The following SUPT16H variants were observed in gnomAD, a reference collection of about 807,000 sequenced individuals.
SUPT16H encodes the protein SPT16 homolog, facilitates chromatin remodeling subunit.
A neutral mutation model predicts 136.2 loss-of-function variants in SUPT16H; 24 were observed. The observed-to-expected ratio is 0.18, with a 90% CI of 0.13 to 0.25. The LOEUF (loss-of-function observed/expected upper bound fraction) is 0.25, where lower values mean the gene tolerates loss of function less well. SUPT16H is among the 10% of genes least tolerant of loss of function. The probability of loss-of-function intolerance (pLI) is 1.00; values close to 1 mark genes in which losing one functional copy is unlikely to be tolerated. For synonymous variants in SUPT16H, 415 were observed against 428.2 expected (o/e 0.97, Z 0.38); for missense variants, 623 against 1,270.2 (o/e 0.49, Z 7.74).
intron 1 of SUPT16H, chr14:21,382,957 AT>A: frequency 6.6e-6 from 1 of 152,298 alleles, no homozygotes; most frequent in South Asian, 2.1e-4. Context: ...ATGAGAGCTG[AT>A]CATTTTTCTC....
At chr14:21,366,274 A>G (rs1479842314) in intron 8 of SUPT16H, among the ~76,000 whole-genome samples, 165 bp downstream of exon 8, 1 of 152,228 alleles carries the variant, frequency 6.6e-6, no homozygotes, top group Non-Finnish European at 1.5e-5. Context: ...GGAGAACTTA[A>G]ATCTGTCTCA....
At position 21,358,396 on chromosome 14, in the gene SUPT16H, G is replaced by A. The variant is rs1886480068; in HGVS notation, c.2333C>T (p.Thr778Ile). Reference sequence around the variant, plus strand: ...TTTCTCAATGAAATTTTTAAAGGCTGTTTTCAGTTTGTGCCTCATTTCTCG... The same window carrying A: ...TTTCTCAATGAAATTTTTAAAGGCTATTTTCAGTTTGTGCCTCATTTCTCG... ...MEREMRHKLK[T>I]AFKNFIEKVE... The change falls in exon 20 of 26, where the codon ACA (threonine) becomes ATA (isoleucine). Residue 778 changes from threonine (T) to isoleucine (I), a missense_variant. By Grantham distance (89) the Thr-to-Ile change is moderately conservative (BLOSUM62 -1). Around this residue, in one of 7 missense-constraint regions of SUPT16H, gnomAD observed 74 missense variants for 193.8 expected, o/e 0.38. Coordinates refer to ENST00000216297, the MANE Select transcript of SUPT16H (RefSeq NM_007192.4). The A allele has an allele frequency of 6.8e-6, 11 of 1,613,466 alleles. No individual in the cohort carries two copies. Among genetic ancestry groups the A allele is most frequent in the Non-Finnish European group, 1.7e-6 (2 of 1,179,894 alleles).
chr14:21,375,577 A>G (rs1365692564), intron 1 of SUPT16H, among the ~76,000 whole-genome samples: 4 of 152,024 alleles, frequency 2.6e-5, no homozygotes, highest in Non-Finnish European at 5.9e-5. Flanking sequence ...CTAATTTTGA[A>G]GTGGTACAAT....
At chr14:21,359,728 C>A in intron 18 of SUPT16H, 119 bp from the exon 19 acceptor site, 2 of 1,156,088 alleles carry the variant, frequency 1.7e-6, no homozygotes, top group Non-Finnish European at 2.4e-6. Context: ...TTAAACCACC[C>A]CTGGTGTCAT....
At chr14:21,360,307 C>T (rs1886524176) in intron 18 of SUPT16H, 108 bp downstream of exon 18, 1 of 847,394 alleles carries the variant, frequency 1.2e-6, no homozygotes, top group Admixed American at 2.6e-5. Context: ...GGATTGTGGG[C>T]ATGAGCCACC....
intron 2 of SUPT16H, among the ~76,000 whole-genome samples, chr14:21,373,039 G>A (rs1287083450): frequency 2.0e-5 from 3 of 152,046 alleles, no homozygotes; most frequent in African/African-American, 4.8e-5. Flanking sequence ...TACCTCCTGG[G>A]GTCATGCCAT....
intron 2 of SUPT16H, chr14:21,372,589 C>T (rs768257531): frequency 7.5e-6 from 3 of 398,946 alleles, no homozygotes; most frequent in South Asian, 3.6e-5. Context: ...GTTTTCTTCT[C>T]TGTCTCTTTT....
rs1202018056 is a variant in SUPT16H, at chr14:21,365,157, G to C, written c.1047-14C>G. ...CCCATCCCAAACCTGAAAAGAAACA[G>C]ATAAACATCAGCAAAAGGCTAAAGA... is the stretch of plus-strand genomic sequence containing the variant. On this transcript the variant is annotated splice_polypyrimidine_tract_variant and intron_variant, in intron 8 of 25. Coordinates refer to ENST00000216297, the MANE Select transcript of SUPT16H (RefSeq NM_007192.4). 1 of 1,611,460 alleles carries C rather than the reference G, an allele frequency of 6.2e-7. No homozygotes were observed.
At chr14:21,354,702 C>T (rs1455546516) in intron 22 of SUPT16H, 162 bp from the exon 23 acceptor site, 5 of 708,784 alleles carry the variant, frequency 7.1e-6, no homozygotes, top group Non-Finnish European at 1.0e-5. Flanking sequence ...AGTGATTCTC[C>T]TGCCTCAGCC....
In SUPT16H at chr14:21,383,991, C is replaced by T. The variant is rs1024228493; in HGVS notation, c.-64G>A. ...CGCGAGGTCCCGGCTCAGCCACCCG[C>T]TCTCGGCCCAGGAATCCCGCACTCT... On this transcript the variant is annotated 5_prime_UTR_variant, in exon 1 of 26. Transcript: ENST00000216297. 42 of 1,597,084 alleles carry T rather than the reference C, an allele frequency of 2.6e-5. No individual in the cohort carries two copies. In the East Asian group the frequency reaches 9.1e-4, roughly 35 times the overall value.
chr14:21,373,446 A>G lies in SUPT16H; in HGVS notation c.67-16T>C, dbSNP rs1391214208. The stretch of plus-strand genomic sequence containing the variant: ...CTTCTCCTTTCTGAAAAGAGTGGGT[A>G]ATCATCACTTAATTTTTCACACTAG... On this transcript the variant is annotated splice_polypyrimidine_tract_variant and intron_variant, in intron 1 of 25. Transcript: ENST00000216297. The G allele has an allele frequency of 6.3e-7, 1 of 1,586,276 alleles. No homozygotes were observed. Among genetic ancestry groups the G allele is most frequent in the South Asian group, 1.1e-5 (1 of 90,482 alleles).
intron 22 of SUPT16H, 74 bp from the exon 23 acceptor site, chr14:21,354,614 C>CAAAA: frequency 6.4e-7 from 1 of 1,559,210 alleles, no homozygotes; most frequent in South Asian, 1.2e-5. Flanking sequence ...TTTTTTGAGA[C>CAAAA]AGAGTCTTGC....
chr14:21,366,223 G>C (rs1366774038), intron 8 of SUPT16H, among the ~76,000 whole-genome samples: 1 of 152,200 alleles, frequency 6.6e-6, no homozygotes, highest in East Asian at 1.9e-4. Flanking sequence ...CTATGGGCTG[G>C]AACACCACAC....
Position 21,362,966 on chromosome 14 carries a change from A to C in SUPT16H, c.1512-19T>G, listed in dbSNP as rs748468896. On this transcript the variant is annotated intron_variant, in intron 13 of 25. Coordinates refer to ENST00000216297, the MANE Select transcript of SUPT16H (RefSeq NM_007192.4). ...GCGAGCTCTGGAGTGGGATAAAAAA[A>C]CAACTGAGAAATTTCTGCAGTCCCA... 9.3e-6 allele frequency: 15 copies of C among 1,613,082 alleles called. No homozygotes were observed. The African/African-American group carries it at 1.9e-4, about 20-fold the overall frequency.
At chr14:21,383,771 T>G (rs772098540) in intron 1 of SUPT16H, 91 bp downstream of exon 1, 2 of 1,477,432 alleles carry the variant, frequency 1.4e-6, no homozygotes, top group Non-Finnish European at 1.9e-6. Context: ...CGGGAATTCC[T>G]GACCGAAAGA....
rs1784641777 is a variant in SUPT16H, at chr14:21,351,574, C to CA, written c.*1098dup. On this transcript the variant is annotated 3_prime_UTR_variant, in exon 26 of 26. Coordinates refer to ENST00000216297, the MANE Select transcript of SUPT16H (RefSeq NM_007192.4). ...CCTACTGCTAAGGAGAAAAAACAAA[C>CA]AAACATAAAATCCGGGACCCCTCCC... The CA allele has an allele frequency of 5.8e-6, 1 of 172,744 alleles. No individual in the cohort carries two copies. Among genetic ancestry groups the CA allele is most frequent in the African/African-American group, 2.4e-5 (1 of 42,052 alleles). The allele number at this position is 172,744 out of a possible 1,614,324, so 10.7% of individuals were successfully genotyped here.
intron 7 of SUPT16H, among the ~76,000 whole-genome samples, chr14:21,367,554 G>A (rs918963684): frequency 1.4e-4 from 22 of 152,164 alleles, no homozygotes; most frequent in African/African-American, 5.3e-4. Flanking sequence ...TCTTAAGACC[G>A]ACTTAGAGAT....
intron 1 of SUPT16H, chr14:21,383,375 C>T: frequency 2.1e-6 from 1 of 477,708 alleles, no homozygotes; most frequent in South Asian, 3.6e-5. Context: ...TTTTTAACTC[C>T]AGCAAAAGCC....
chr14:21,355,986 T>C (rs1480989224), intron 22 of SUPT16H, among the ~76,000 whole-genome samples: 1 of 152,158 alleles, frequency 6.6e-6, no homozygotes, highest in Non-Finnish European at 1.5e-5. Flanking sequence ...CCATAATCCC[T>C]GAAAGAAGGA....
Sources: gnomAD v4.1 joint callset for allele counts (sites outside exome capture counted in the v4.1 genomes callset) on GRCh38, gnomAD v4.1.1 for gene constraint, gnomAD v4.1.1 regional missense constraint, MANE v1.5 for transcripts, NCBI Gene and HGNC (gene_info 2026-07-23, HGNC 2026-07-21) for gene names.